SH3BP4: variants seen among roughly 807,000 people sequenced by gnomAD.
SH3BP4 encodes the protein SH3 domain-binding protein 4.
In SH3BP4, 33 loss-of-function variants were observed where a neutral mutation model predicts 65.5. That is an observed-to-expected ratio of 0.50 (90% CI 0.38 to 0.67). The LOEUF is 0.67. SH3BP4 is among the 30% of genes least tolerant of loss of function. SH3BP4 has a pLI of 0.00. For synonymous variants in SH3BP4, 552 were observed against 545.5 expected, an observed-to-expected ratio of 1.01 and a Z score of -0.17; for missense variants, 1,134 against 1,261.4, an observed-to-expected ratio of 0.90 and a Z score of 1.53.
At position 235,041,295 on chromosome 2, in the gene SH3BP4, C is replaced by T; in HGVS notation, c.526C>T (p.Pro176Ser). 1 of 1,614,176 alleles carries T rather than the reference C, an allele frequency of 6.2e-7. No homozygotes were observed. Among genetic ancestry groups the T allele is most frequent in the Non-Finnish European group, 8.5e-7 (1 of 1,180,032 alleles). The change falls in exon 4 of 6, where the codon CCC (proline) becomes TCC (serine). Residue 176 changes from proline (P) to serine (S), a missense_variant. Physicochemically the swap from Pro to Ser is moderately conservative, Grantham distance 74. Transcript: ENST00000392011. This position sits in a 1 kb window ranked among gnomAD's most constrained non-coding sequence, Gnocchi z 6.0. ...QTNPFLNGNV[P>S]VMPSLDELNP... is the part of the protein sequence containing the mutation. ...CAATCCATTTCTGAATGGGAACGTGCCCGTCATGCCCAGCCTGGATGAGCT... is the reference window on the plus strand; with the variant it reads ...CAATCCATTTCTGAATGGGAACGTGTCCGTCATGCCCAGCCTGGATGAGCT...
At chr2:235,007,125 AGAGGGGAGG>A (rs1448902276) in intron 2 of SH3BP4, among the ~76,000 whole-genome samples, 12 of 150,144 alleles carry the variant, frequency 8.0e-5, no homozygotes, top group African/African-American at 2.2e-4. Context: ...GAAATCAAGT[AGAGGGGAGG>A]GAGGGGAGGG....
In SH3BP4 at chr2:234,985,783, G is replaced by A. The variant is rs530381603; in HGVS notation, c.-206-9520G>A. ...ACACGCCTACGAGCTCAAGGAGCAC[G>A]GTGCAGGTGAACCAGCCTGTGACAC... On this transcript the variant is annotated intron_variant, in intron 1 of 5. Coordinates refer to ENST00000392011, the MANE Select transcript of SH3BP4 (RefSeq NM_014521.3). Among the ~76,000 whole-genome samples, 9 of 151,630 alleles carry A rather than the reference G, an allele frequency of 5.9e-5. No homozygotes were observed. The East Asian group carries it at 1.4e-3, about 23-fold the overall frequency.
intron 2 of SH3BP4, among the ~76,000 whole-genome samples, chr2:235,010,161 A>G (rs975571153): frequency 3.3e-5 from 5 of 152,006 alleles, no homozygotes; most frequent in Non-Finnish European, 5.9e-5. Flanking sequence ...CACGGCCCCT[A>G]TGGCTCCCAC....
chr2:235,035,047 T>C lies in SH3BP4; in HGVS notation c.45T>C (p.Pro15=). The part of the protein sequence containing the change: ...RIRAANSNGL[P]RCKSEGTLID... ...GAGCGGCCAACTCCAATGGCCTCCC[T>C]CGCTGCAAGTCAGAGGGGACCCTGA... Residue 15 remains proline (P), a synonymous_variant, in exon 3 of 6, where the codon CCT becomes CCC. Transcript: ENST00000392011. This position sits in a 1 kb window ranked among gnomAD's most constrained non-coding sequence, Gnocchi z 5.0. The C allele has an allele frequency of 6.2e-7, 1 of 1,614,138 alleles. No homozygotes were observed. The highest frequency in any genetic ancestry group is 8.5e-7 in the Non-Finnish European group (1 of 1,180,040).
Position 234,967,967 on chromosome 2 carries a change from A to G in SH3BP4, c.-207+15797A>G, listed in dbSNP as rs995115448. On this transcript the variant is annotated intron_variant, in intron 1 of 5. Coordinates refer to ENST00000392011, the MANE Select transcript of SH3BP4 (RefSeq NM_014521.3). This position sits in a 1 kb window ranked among gnomAD's most constrained non-coding sequence, Gnocchi z 4.6. ...CCGGAAGCTCCCACCCAGATGGTGA[A>G]GGCACCTGCTGGGTTTCCTGCCACC... Among the ~76,000 whole-genome samples the G allele has an allele frequency of 1.3e-5, 2 of 152,056 alleles. No individual in the cohort carries two copies. Among genetic ancestry groups the G allele is most frequent in the Non-Finnish European group, 2.9e-5 (2 of 68,006 alleles).
In SH3BP4 at chr2:234,997,553, A is replaced by G. The variant is rs1223071648; in HGVS notation, c.-133+2177A>G. ...ACTGAGGAAACAGGAGGCCTGCAGC[A>G]GAGCACGGCCGATTGCTCCTCCGGG... On this transcript the variant is annotated intron_variant, in intron 2 of 5. Transcript: ENST00000392011. The surrounding 1 kb of genome is among the most constrained non-coding windows in gnomAD (Gnocchi z 4.2). Among the ~76,000 whole-genome samples the G allele has an allele frequency of 6.6e-6, 1 of 152,188 alleles. No homozygotes were observed. The highest frequency in any genetic ancestry group is 1.5e-5 in the Non-Finnish European group (1 of 68,034).
At position 235,042,886 on chromosome 2, in the gene SH3BP4, A is replaced by G. The variant is rs761751327; in HGVS notation, c.2117A>G (p.Tyr706Cys). 3 of 1,613,568 alleles carry G rather than the reference A, an allele frequency of 1.9e-6. No homozygotes were observed. Among genetic ancestry groups the G allele is most frequent in the South Asian group, 1.1e-5 (1 of 91,074 alleles). Residue 706 changes from tyrosine to cysteine, a missense_variant, in exon 4 of 6, where the codon TAC (tyrosine) becomes TGC (cysteine). Physicochemically the swap from Tyr to Cys is radical, Grantham distance 194. Transcript: ENST00000392011. The surrounding 1 kb of genome is among the most constrained non-coding windows in gnomAD (Gnocchi z 7.3). ...QLWTKEWYIG[Y>C]YQGRVGLVHT... Reference sequence around the variant, plus strand: ...TGGACCAAGGAGTGGTACATCGGCTACTACCAGGGCAGGGTGGGCCTCGTG... The same window carrying G: ...TGGACCAAGGAGTGGTACATCGGCTGCTACCAGGGCAGGGTGGGCCTCGTG...
intron 1 of SH3BP4, among the ~76,000 whole-genome samples, chr2:234,954,568 G>A (rs1692546017): frequency 6.6e-6 from 1 of 152,192 alleles, no homozygotes. Flanking sequence ...TCTCTGTGGA[G>A]GGAGGACCTT....
At chr2:235,003,267 G>A (rs571041204) in intron 2 of SH3BP4, among the ~76,000 whole-genome samples, 4 of 152,248 alleles carry the variant, frequency 2.6e-5, no homozygotes, top group Admixed American at 2.0e-4. Context: ...CAGCGTGACC[G>A]AGGAGAACTC....
chr2:235,036,026 A>T (rs560139359), intron 3 of SH3BP4, among the ~76,000 whole-genome samples: 1 of 152,252 alleles, frequency 6.6e-6, no homozygotes, highest in Non-Finnish European at 1.5e-5. Flanking sequence ...CCCAGCCTAA[A>T]GTCAGTGCTA....
rs139642860 is a variant in SH3BP4, at chr2:234,974,610, G to A, written c.-206-20693G>A. Among the ~76,000 whole-genome samples the A allele has an allele frequency of 2.5e-4, 38 of 152,302 alleles. No homozygotes were observed. In the East Asian group the frequency reaches 5.2e-3, roughly 21 times the overall value. On this transcript the variant is annotated intron_variant, in intron 1 of 5. Coordinates refer to ENST00000392011, the MANE Select transcript of SH3BP4 (RefSeq NM_014521.3). The surrounding 1 kb of genome is among the most constrained non-coding windows in gnomAD (Gnocchi z 4.6). ...TCTTGCCTTAGTGTTAGGCTGGCGC[G>A]GGCCTTCTGGTGCTCAGGGCCCCCG...
intron 1 of SH3BP4, chr2:234,994,988 C>T (rs1244591927): frequency 2.6e-5 from 4 of 152,324 alleles, no homozygotes; most frequent in African/African-American, 9.6e-5. Context: ...TTACCCCGCG[C>T]TAGTCACTGG....
At chr2:234,953,703 T>C (rs1451776396) in intron 1 of SH3BP4, among the ~76,000 whole-genome samples, 2 of 152,178 alleles carry the variant, frequency 1.3e-5, no homozygotes, top group Non-Finnish European at 2.9e-5. Context: ...GGGAACATTC[T>C]ACTGTTCCTC....
intron 1 of SH3BP4, among the ~76,000 whole-genome samples, chr2:234,971,974 G>A (rs1693014003): frequency 6.6e-6 from 1 of 151,740 alleles, no homozygotes; most frequent in Non-Finnish European, 1.5e-5. Flanking sequence ...GTGCCACCAT[G>A]CCCAGCTAAT....
At chr2:234,993,191 TC>T (rs1693806572) in intron 1 of SH3BP4, among the ~76,000 whole-genome samples, 1 of 152,182 alleles carries the variant, frequency 6.6e-6, no homozygotes, top group South Asian at 2.1e-4. Context: ...GGTCGGTTTC[TC>T]GAAGCCCCCG....
chr2:234,957,000 G>A (rs971683830), intron 1 of SH3BP4, among the ~76,000 whole-genome samples: 9 of 152,020 alleles, frequency 5.9e-5, no homozygotes, highest in Admixed American at 6.6e-5. Flanking sequence ...TTTCTGTGAC[G>A]TAAATATTCC....
rs184724868 is a variant in SH3BP4 at position 235,040,363 on chromosome 2, G to A, written c.119-525G>A. On this transcript the variant is annotated intron_variant, in intron 3 of 5. Coordinates refer to ENST00000392011, the MANE Select transcript of SH3BP4 (RefSeq NM_014521.3). ...TTGAGTTTGGAAATTTAAGAAGCAGGTTGAGGGAAGCTTTCCATCCAGAGG... is the reference window on the plus strand; with the variant it reads ...TTGAGTTTGGAAATTTAAGAAGCAGATTGAGGGAAGCTTTCCATCCAGAGG... 5.7e-4 allele frequency among the ~76,000 whole-genome samples: 86 copies of A among 152,206 alleles called. 1 individual carries two copies. The highest frequency in any genetic ancestry group is 1.5e-3 in the South Asian group (7 of 4,810).
Position 234,976,392 on chromosome 2 carries a change from A to C in SH3BP4, c.-206-18911A>C, listed in dbSNP as rs1693168277. 6.6e-6 allele frequency among the ~76,000 whole-genome samples: 1 copy of C among 152,152 alleles called. No individual in the cohort carries two copies. ...TGTGTTGACCTTATAGTCAACTGAT[A>C]GTTCTGAGTAGTTAAGTTAGATCCT... On this transcript the variant is annotated intron_variant, in intron 1 of 5. Transcript: ENST00000392011. The surrounding 1 kb of genome is among the most constrained non-coding windows in gnomAD (Gnocchi z 4.7).
rs1695360013 is a variant in SH3BP4, at chr2:235,035,800, G to A, written c.118+680G>A. On this transcript the variant is annotated intron_variant, in intron 3 of 5. Transcript: ENST00000392011. This position sits in a 1 kb window ranked among gnomAD's most constrained non-coding sequence, Gnocchi z 5.0. ...GAAAACCTATCTTTTGGACACCAAG[G>A]TGAATACTAGCAGGTCATTTTCTTC... Among the ~76,000 whole-genome samples, 1 of 152,186 alleles carries A rather than the reference G, an allele frequency of 6.6e-6. No homozygotes were observed. Among genetic ancestry groups the A allele is most frequent in the Non-Finnish European group, 1.5e-5 (1 of 68,040 alleles).
Sources: allele counts gnomAD v4.1 joint callset (sites outside exome capture counted in the v4.1 genomes callset), GRCh38; gene constraint gnomAD v4.1.1; non-coding constraint Gnocchi (gnomAD v3.1); transcripts MANE v1.5; gene names NCBI Gene and HGNC (gene_info 2026-07-23, HGNC 2026-07-21).